The following SFMBT2 variants were observed in gnomAD, a reference collection of about 807,000 sequenced individuals.
SFMBT2 encodes the protein Scm like with four mbt domains 2, also known as scm-like with four MBT domains protein 2.
Under a neutral mutation model 110.1 loss-of-function variants are expected in SFMBT2, and 38 were observed. The observed-to-expected ratio is 0.35, with a 90% CI of 0.27 to 0.45. The LOEUF (loss-of-function observed/expected upper bound fraction) is 0.45, where lower values mean the gene tolerates loss of function less well. Among genes scored for constraint, SFMBT2 ranks in the 20% least tolerant of loss-of-function variants. The pLI is 1.00. For missense variants in SFMBT2, 1,011 were observed against 1,094.9 expected, an observed-to-expected ratio of 0.92 and a Z score of 1.08; for synonymous variants, 425 against 425.4, an observed-to-expected ratio of 1.00 and a Z score of 0.01.
At position 7,346,709 on chromosome 10, in the gene SFMBT2, C is replaced by T. The variant is rs181885815; in HGVS notation, c.436+20940G>A. 4.1e-4 allele frequency among the ~76,000 whole-genome samples: 62 copies of T among 151,968 alleles called. 1 individual carries two copies. In the East Asian group the frequency reaches 0.011, roughly 27 times the overall value. On this transcript the variant is annotated intron_variant, in intron 4 of 20. Coordinates refer to ENST00000397167, the MANE Select transcript of SFMBT2 (RefSeq NM_001387889.1). ...TGTAGGCTGGGCAAGGTGGTGCACG[C>T]CTGTAATCCCAGCACTTTGGGAGGC... is the stretch of plus-strand genomic sequence containing the variant.
intron 5 of SFMBT2, chr10:7,284,960 TA>T (rs1842046518): frequency 6.6e-6 from 1 of 152,238 alleles, no homozygotes; most frequent in African/African-American, 2.4e-5. Context: ...TCTCTAATGA[TA>T]TATAACAAAT....
intron 4 of SFMBT2, among the ~76,000 whole-genome samples, chr10:7,361,154 T>C (rs1405732970): frequency 6.6e-6 from 1 of 152,198 alleles, no homozygotes; most frequent in Non-Finnish European, 1.5e-5. Flanking sequence ...CCAGTTAGGA[T>C]TCATTATGAG....
At chr10:7,237,192 C>A (rs1336650180) in intron 9 of SFMBT2, among the ~76,000 whole-genome samples, 1 of 152,108 alleles carries the variant, frequency 6.6e-6, no homozygotes, top group African/African-American at 2.4e-5. Context: ...TTAGGAATAT[C>A]CCCTGAAAGC....
At chr10:7,216,134 G>A (rs75238088) in intron 11 of SFMBT2, among the ~76,000 whole-genome samples, 9,235 of 152,298 alleles carry the variant, frequency 0.061, 373 homozygotes, top group Admixed American at 0.088. Context: ...AGGAGCCTGC[G>A]TTCACACCTG....
chr10:7,331,210 A>G (rs1227580817), intron 4 of SFMBT2, among the ~76,000 whole-genome samples: 1 of 152,208 alleles, frequency 6.6e-6, no homozygotes, highest in African/African-American at 2.4e-5. Flanking sequence ...GAATTCCCCC[A>G]TAGGCTAAGA....
intron 2 of SFMBT2, among the ~76,000 whole-genome samples, chr10:7,381,574 G>C (rs1169508046): frequency 6.6e-6 from 1 of 152,156 alleles, no homozygotes; most frequent in Admixed American, 6.5e-5. Flanking sequence ...ATTCTGAAGT[G>C]ATGTGTTGCT....
intron 6 of SFMBT2, among the ~76,000 whole-genome samples, chr10:7,280,313 T>C (rs958344218): frequency 1.3e-5 from 2 of 152,058 alleles, no homozygotes; most frequent in Non-Finnish European, 2.9e-5. Flanking sequence ...GACTAAGTAA[T>C]AGTTCAGGCA....
intron 4 of SFMBT2, among the ~76,000 whole-genome samples, chr10:7,310,029 C>T (rs1171998031): frequency 6.6e-6 from 1 of 152,210 alleles, no homozygotes. Context: ...CCGGGTCCTA[C>T]ACACTAATGC....
intron 4 of SFMBT2, among the ~76,000 whole-genome samples, chr10:7,307,272 A>G (rs148707748): frequency 6.6e-6 from 1 of 152,346 alleles, no homozygotes; most frequent in East Asian, 1.9e-4. Flanking sequence ...CATTTTCCTT[A>G]AAACGATTTA....
chr10:7,243,818 A>G lies in SFMBT2; in HGVS notation c.973-113T>C, dbSNP rs1840518780. 4.7e-6 allele frequency: 3 copies of G among 642,362 alleles called. No individual in the cohort carries two copies. The South Asian group carries it at 6.1e-5, about 13-fold the overall frequency. The allele number at this position is 642,362 out of a possible 1,614,324, so 39.8% of individuals were successfully genotyped here. Reference sequence around the variant, plus strand: ...GCAATTAATATAGTTCATCAAAATGATTTGAATACAAACTGGCATTTTCAA... The same window carrying G: ...GCAATTAATATAGTTCATCAAAATGGTTTGAATACAAACTGGCATTTTCAA... On this transcript the variant is annotated intron_variant, in intron 8 of 20. Coordinates refer to ENST00000397167, the MANE Select transcript of SFMBT2 (RefSeq NM_001387889.1).
At chr10:7,307,685 T>C (rs1161164113) in intron 4 of SFMBT2, among the ~76,000 whole-genome samples, 1 of 152,152 alleles carries the variant, frequency 6.6e-6, no homozygotes, top group Non-Finnish European at 1.5e-5. Flanking sequence ...CCAGTTGAAC[T>C]AAGGACTTAC....
intron 6 of SFMBT2, among the ~76,000 whole-genome samples, chr10:7,280,583 C>T (rs1252300111): frequency 1.3e-5 from 2 of 152,194 alleles, no homozygotes; most frequent in African/African-American, 2.4e-5. Flanking sequence ...ACCTCAATGA[C>T]GTACTTACAT....
At position 7,254,440 on chromosome 10, in the gene SFMBT2, C is replaced by T. The variant is rs1309408269; in HGVS notation, c.871-5791G>A. ...TTTTTTTACTTCTAGCATATAAAAA[C>T]CAAGTATCACTACGATCACAGTAGT... On this transcript the variant is annotated intron_variant, in intron 7 of 20. Coordinates refer to ENST00000397167, the MANE Select transcript of SFMBT2 (RefSeq NM_001387889.1). 2.0e-5 allele frequency among the ~76,000 whole-genome samples: 3 copies of T among 152,148 alleles called. No homozygotes were observed. The East Asian group carries it at 5.8e-4, about 29-fold the overall frequency.
rs1246437516 is a variant in SFMBT2 at position 7,170,179 on chromosome 10, G to A, written c.2544+749C>T. ...CGGCTAGGGGCCTGGGCCCCCAGCT[G>A]ACAGCACAGTGCTGAGCTCTCTGGT... On this transcript the variant is annotated intron_variant, in intron 20 of 20. Coordinates refer to ENST00000397167, the MANE Select transcript of SFMBT2 (RefSeq NM_001387889.1). This position sits in a 1 kb window ranked among gnomAD's most constrained non-coding sequence, Gnocchi z 4.6. Among the ~76,000 whole-genome samples the A allele has an allele frequency of 6.6e-6, 1 of 152,198 alleles. No individual in the cohort carries two copies. The highest frequency in any genetic ancestry group is 1.5e-5 in the Non-Finnish European group (1 of 68,036).
chr10:7,256,564 C>T (rs1841013699), intron 7 of SFMBT2, among the ~76,000 whole-genome samples: 1 of 152,208 alleles, frequency 6.6e-6, no homozygotes, highest in Non-Finnish European at 1.5e-5. Context: ...ACCATGACTA[C>T]TTTTGTGTGT....
At position 7,363,493 on chromosome 10, in the gene SFMBT2, C is replaced by T. The variant is rs184248764; in HGVS notation, c.436+4156G>A. 1.3e-3 allele frequency among the ~76,000 whole-genome samples: 201 copies of T among 152,240 alleles called. 1 individual carries two copies. Among genetic ancestry groups the T allele is most frequent in the African/African-American group, 4.7e-3 (195 of 41,542 alleles). Reference sequence around the variant, plus strand: ...CCTGCCGAGTAGCTGGGATTACAGGCATGCGCCACCACGCCCAGCTAATTT... The same window carrying T: ...CCTGCCGAGTAGCTGGGATTACAGGTATGCGCCACCACGCCCAGCTAATTT... On this transcript the variant is annotated intron_variant, in intron 4 of 20. Transcript: ENST00000397167.
intron 16 of SFMBT2, among the ~76,000 whole-genome samples, chr10:7,179,410 A>AC (rs1838175286): frequency 1.3e-5 from 2 of 151,150 alleles, no homozygotes; most frequent in African/African-American, 4.9e-5. Context: ...AAAAAAAAAA[A>AC]AAAAAACAAA....
chr10:7,298,545 C>G (rs922669009), intron 4 of SFMBT2, among the ~76,000 whole-genome samples: 3 of 152,126 alleles, frequency 2.0e-5, no homozygotes, highest in Non-Finnish European at 4.4e-5. Context: ...GATGGACGCC[C>G]CAGGGATTAT....
intron 4 of SFMBT2, among the ~76,000 whole-genome samples, chr10:7,360,475 A>C (rs369797079): frequency 6.6e-6 from 1 of 152,192 alleles, no homozygotes; most frequent in East Asian, 1.9e-4. Flanking sequence ...TCAAAAAAAT[A>C]AAAATAAAAA....
Sources: allele counts gnomAD v4.1 joint callset (sites outside exome capture counted in the v4.1 genomes callset), GRCh38; gene constraint gnomAD v4.1.1; non-coding constraint Gnocchi (gnomAD v3.1); transcripts MANE v1.5; gene names NCBI Gene and HGNC (gene_info 2026-07-23, HGNC 2026-07-21).